Variants in STXBP5L observed in about 807,000 individuals in gnomAD.
STXBP5L encodes syntaxin binding protein 5L.
Under a neutral mutation model 144.5 loss-of-function variants are expected in STXBP5L, and 65 were observed. The observed-to-expected ratio is 0.45, with a 90% CI of 0.37 to 0.55. STXBP5L has a LOEUF of 0.55. STXBP5L is among the 20% of genes least tolerant of loss of function. The pLI is 0.00. For missense variants in STXBP5L, 1,298 were observed against 1,405.5 expected (o/e 0.92, Z 1.22); for synonymous variants, 505 against 469.6 (o/e 1.08, Z -0.97).
chr3:121,130,810 C>G (rs2044949168), intron 7 of STXBP5L, among the ~76,000 whole-genome samples: 1 of 151,716 alleles, frequency 6.6e-6, no homozygotes, highest in Non-Finnish European at 1.5e-5. Flanking sequence ...ACTATTAGAT[C>G]AAGTAGAAAA....
chr3:121,311,742 A>C (rs2043536458), intron 19 of STXBP5L, among the ~76,000 whole-genome samples: 1 of 152,242 alleles, frequency 6.6e-6, no homozygotes, highest in Non-Finnish European at 1.5e-5. Flanking sequence ...AGGAAGAAGC[A>C]ATATCGTGAA....
At chr3:121,134,661 T>C (rs899572592) in intron 7 of STXBP5L, among the ~76,000 whole-genome samples, 5 of 151,984 alleles carry the variant, frequency 3.3e-5, no homozygotes, top group Non-Finnish European at 7.4e-5. Flanking sequence ...TGGTGTTTGG[T>C]TTTTTGTTCT....
At chr3:120,981,290 AT>A (rs924264042) in intron 3 of STXBP5L, among the ~76,000 whole-genome samples, 1 of 152,086 alleles carries the variant, frequency 6.6e-6, no homozygotes, top group African/African-American at 2.4e-5. Flanking sequence ...TATTCCCTCA[AT>A]TTTTTTAATA....
At chr3:121,072,940 G>A (rs1576856982) in intron 5 of STXBP5L, among the ~76,000 whole-genome samples, 1 of 152,174 alleles carries the variant, frequency 6.6e-6, no homozygotes, top group Admixed American at 6.5e-5. Flanking sequence ...GATGTTTACT[G>A]ACTTTCCTTT....
intron 20 of STXBP5L, among the ~76,000 whole-genome samples, chr3:121,362,973 T>C (rs2045759202): frequency 6.6e-6 from 1 of 152,202 alleles, no homozygotes; most frequent in South Asian, 2.1e-4. Context: ...AGAACTGGGT[T>C]CTTTCCTTCA....
intron 7 of STXBP5L, among the ~76,000 whole-genome samples, chr3:121,128,802 C>T (rs892958319): frequency 2.6e-5 from 4 of 151,912 alleles, no homozygotes; most frequent in Admixed American, 2.0e-4. Flanking sequence ...TGACAGTCAC[C>T]ATCAAAATGG....
chr3:120,908,572 T>A (rs892577874), intron 1 of STXBP5L, among the ~76,000 whole-genome samples: 2 of 151,174 alleles, frequency 1.3e-5, no homozygotes, highest in African/African-American at 4.9e-5. Context: ...GAGGTGTTTG[T>A]GTGTTCGCGC....
At chr3:120,979,108 G>T (rs1051783698) in intron 3 of STXBP5L, among the ~76,000 whole-genome samples, 3 of 152,234 alleles carry the variant, frequency 2.0e-5, no homozygotes, top group East Asian at 3.9e-4. Context: ...GTCTGCAGAG[G>T]TTACTGCTGT....
At chr3:121,393,567 C>A (rs936677566) in intron 22 of STXBP5L, among the ~76,000 whole-genome samples, 15 of 152,244 alleles carry the variant, frequency 9.9e-5, no homozygotes, top group Middle Eastern at 3.4e-3. Flanking sequence ...AGTTTCAGGT[C>A]TTACATTTAA....
chr3:121,197,838 C>A (rs570618531), intron 9 of STXBP5L, among the ~76,000 whole-genome samples: 6 of 152,118 alleles, frequency 3.9e-5, no homozygotes, highest in African/African-American at 1.4e-4. Flanking sequence ...TTCTATTTTA[C>A]GGTTGCATAG....
chr3:121,382,809 T>C (rs567712890), intron 22 of STXBP5L, among the ~76,000 whole-genome samples: 3 of 152,306 alleles, frequency 2.0e-5, no homozygotes, highest in East Asian at 3.9e-4. Context: ...TTAGCACATA[T>C]ACTTAGACCA....
chr3:120,972,113 T>A (rs977069660), intron 3 of STXBP5L, among the ~76,000 whole-genome samples: 1 of 152,046 alleles, frequency 6.6e-6, no homozygotes, highest in Admixed American at 6.6e-5. Context: ...GGAATGATGT[T>A]GGCATTGGTA....
intron 12 of STXBP5L, among the ~76,000 whole-genome samples, chr3:121,238,709 A>G (rs1487455655): frequency 6.6e-6 from 1 of 152,146 alleles, no homozygotes; most frequent in African/African-American, 2.4e-5. Flanking sequence ...CTATATTAGC[A>G]AAGCAATGCC....
At chr3:121,154,624 A>G (rs1057391225) in intron 8 of STXBP5L, among the ~76,000 whole-genome samples, 1 of 151,598 alleles carries the variant, frequency 6.6e-6, no homozygotes, top group Admixed American at 6.6e-5. Flanking sequence ...TATACTTTCT[A>G]GTGTTTATAT....
At chr3:121,123,589 A>C (rs1164997065) in intron 7 of STXBP5L, among the ~76,000 whole-genome samples, 2 of 151,648 alleles carry the variant, frequency 1.3e-5, no homozygotes, top group Non-Finnish European at 3.0e-5. Context: ...CTGAAAGAAT[A>C]TAGACAAATC....
chr3:121,387,288 G>C (rs1424626685), intron 22 of STXBP5L, among the ~76,000 whole-genome samples: 1 of 152,140 alleles, frequency 6.6e-6, no homozygotes, highest in East Asian at 1.9e-4. Flanking sequence ...TGAGTTCTTT[G>C]TAGATTCTGG....
chr3:121,389,033 GT>G (rs1327890056), intron 22 of STXBP5L, among the ~76,000 whole-genome samples: 3 of 152,034 alleles, frequency 2.0e-5, no homozygotes, highest in Admixed American at 2.0e-4. Flanking sequence ...ACTTTTTTTG[GT>G]TGGTAGGCTA....
intron 2 of STXBP5L, among the ~76,000 whole-genome samples, chr3:120,949,199 A>G (rs1048429420): frequency 6.6e-6 from 1 of 151,832 alleles, no homozygotes; most frequent in East Asian, 1.9e-4. Flanking sequence ...CCATTTGTGT[A>G]TCTTCTTTTG....
intron 4 of STXBP5L, among the ~76,000 whole-genome samples, chr3:121,043,506 C>G (rs2107557588): frequency 6.6e-6 from 1 of 152,184 alleles, no homozygotes; most frequent in South Asian, 2.1e-4. Context: ...GTCAAGAGAT[C>G]AAGACCATCC....
Sources: allele counts gnomAD v4.1 joint callset (sites outside exome capture counted in the v4.1 genomes callset), GRCh38; gene constraint gnomAD v4.1.1; transcripts MANE v1.5; gene names NCBI Gene and HGNC (gene_info 2026-07-23, HGNC 2026-07-21).